The following NOTCH2NLR variants were observed in gnomAD, a reference collection of about 807,000 sequenced individuals.
NOTCH2NLR encodes notch 2 N-terminal like R.
A neutral mutation model predicts 35.6 loss-of-function variants in NOTCH2NLR; 33 were observed. The observed-to-expected ratio is 0.93, with a 90% CI of 0.70 to 1.24. The LOEUF (loss-of-function observed/expected upper bound fraction) is 1.24, where lower values mean the gene tolerates loss of function less well. NOTCH2NLR is among the 50% of genes most tolerant of loss of function. The pLI is 0.00. For synonymous variants in NOTCH2NLR, 103 were observed against 141.0 expected (o/e 0.73, Z 1.91); for missense variants, 276 against 362.2 (o/e 0.76, Z 1.93).
In NOTCH2NLR at chr1:120,779,731, C is replaced by T. The variant is rs1429045067; in HGVS notation, c.156-5243C>T. On this transcript the variant is annotated intron_variant, in intron 2 of 4. Coordinates refer to ENST00000624419, the Ensembl canonical transcript of NOTCH2NLR. ...GTTTAGCCATGTTTTCACTCTCTAACCAAATTCAACTTTAGCCATCTCAAG... is the reference window on the plus strand; with the variant it reads ...GTTTAGCCATGTTTTCACTCTCTAATCAAATTCAACTTTAGCCATCTCAAG... Among the ~76,000 whole-genome samples the T allele has an allele frequency of 3.3e-5, 4 of 121,864 alleles. 1 individual carries two copies. The highest frequency in any genetic ancestry group is 3.3e-5 in the Non-Finnish European group (2 of 60,080). 79.9% of individuals were successfully genotyped at this position (121,864 alleles called of 152,430 possible).
chr1:120,785,256 G>T (rs1651413046), intron 3 of NOTCH2NLR, 23 bp downstream of exon 3: 2 of 1,443,330 alleles, frequency 1.4e-6, no homozygotes, highest in Admixed American at 1.9e-5. Flanking sequence ...ACCAAAGCCA[G>T]TGCTTCCCTA....
chr1:120,790,109 G>A lies in NOTCH2NLR; in HGVS notation c.416-3052G>A, dbSNP rs1313010050. Among the ~76,000 whole-genome samples the A allele has an allele frequency of 4.4e-5, 4 of 89,988 alleles. 1 individual carries two copies. Among genetic ancestry groups the A allele is most frequent in the South Asian group, 3.4e-4 (1 of 2,954 alleles). 59.0% of individuals were successfully genotyped at this position (89,988 alleles called of 152,430 possible). On this transcript the variant is annotated intron_variant, in intron 3 of 4. Coordinates refer to ENST00000624419, the Ensembl canonical transcript of NOTCH2NLR. ...CGGTTCACTGCAAGTTCCACCTCCC[G>A]GGTTCACGCCATTCTTCTGCCTCAG...
At chr1:120,793,420 T>G in exon 4 of NOTCH2NLR, 2 of 1,442,708 alleles carry the variant, frequency 1.4e-6, no homozygotes, top group South Asian at 1.2e-5. Context: ...ATGTGCCCTG[T>G]GCACACTCGC....
intron 1 of NOTCH2NLR, among the ~76,000 whole-genome samples, chr1:120,737,633 T>C (rs1322905033): frequency 9.6e-6 from 1 of 104,484 alleles, no homozygotes; most frequent in African/African-American, 5.7e-5. Context: ...ATTTAAAATT[T>C]CAATGACAGC....
chr1:120,745,330 C>A (rs1650969767), intron 1 of NOTCH2NLR, among the ~76,000 whole-genome samples: 1 of 75,328 alleles, frequency 1.3e-5, no homozygotes, highest in Non-Finnish European at 2.3e-5. Flanking sequence ...TATGGACAAG[C>A]ATTGTTTCTT....
At chr1:120,743,884 A>G (rs1371325894) in intron 1 of NOTCH2NLR, among the ~76,000 whole-genome samples, 1 of 116,998 alleles carries the variant, frequency 8.5e-6, no homozygotes, top group Non-Finnish European at 1.7e-5. Context: ...TGGTTGTTTC[A>G]GAGAGTTTGC....
At chr1:120,781,946 A>C (rs1482915965) in intron 2 of NOTCH2NLR, among the ~76,000 whole-genome samples, 2 of 107,000 alleles carry the variant, frequency 1.9e-5, no homozygotes, top group Non-Finnish European at 1.7e-5. Flanking sequence ...GTAATACAAG[A>C]GACAATAGCT....
chr1:120,794,442 A>G (rs1651534789), downstream of NOTCH2NLR, among the ~76,000 whole-genome samples: 2 of 116,238 alleles, frequency 1.7e-5, 1 homozygote, highest in Non-Finnish European at 3.3e-5. Flanking sequence ...CAAAAACAAA[A>G]GAAGGAAAAC....
chr1:120,727,282 C>T (rs1650826144), intron 1 of NOTCH2NLR, among the ~76,000 whole-genome samples: 1 of 98,092 alleles, frequency 1.0e-5, no homozygotes, highest in South Asian at 3.1e-4. Context: ...TTGCAACCCA[C>T]TGATTAAGTA....
At chr1:120,764,215 C>A (rs1651164592) in intron 2 of NOTCH2NLR, among the ~76,000 whole-genome samples, 1 of 115,182 alleles carries the variant, frequency 8.7e-6, no homozygotes, top group Non-Finnish European at 1.7e-5. Flanking sequence ...TCATTGCACT[C>A]TAGCCTGGGT....
chr1:120,767,994 T>C (rs1651212006), intron 2 of NOTCH2NLR, among the ~76,000 whole-genome samples: 1 of 115,334 alleles, frequency 8.7e-6, no homozygotes. Context: ...TTCCCTTTAC[T>C]TTACACATGT....
chr1:120,742,306 TGTGTGC>T (rs1650947395), intron 1 of NOTCH2NLR, among the ~76,000 whole-genome samples: 2 of 30,810 alleles, frequency 6.5e-5, no homozygotes, highest in Admixed American at 6.1e-4. Context: ...ACTCTGTGTG[TGTGTGC>T]GTGTGTGTGT....
chr1:120,756,237 CTTTG>C lies in NOTCH2NLR; in HGVS notation c.74-7388_74-7385del, dbSNP rs1157686215. On this transcript the variant is annotated intron_variant, in intron 1 of 4. Coordinates refer to ENST00000624419, the Ensembl canonical transcript of NOTCH2NLR. ...CAGGCAGTCATTTTAGAAAACTTTG[CTTTG>C]TTCATTTTACTGAGCCTCTTCCAGA... Among the ~76,000 whole-genome samples, 2 of 113,520 alleles carry C rather than the reference CTTTG, an allele frequency of 1.8e-5. 1 individual carries two copies. The highest frequency in any genetic ancestry group is 3.4e-5 in the Non-Finnish European group (2 of 59,644). 74.5% of individuals were successfully genotyped at this position (113,520 alleles called of 152,430 possible). A position where few individuals can be genotyped will look rare whatever the true frequency, so the allele number is the denominator to read the frequency against.
chr1:120,764,266 A>G (rs1242337346), intron 2 of NOTCH2NLR, among the ~76,000 whole-genome samples: 1 of 103,474 alleles, frequency 9.7e-6, no homozygotes, highest in Non-Finnish European at 1.8e-5. Context: ...TAAAAAAAAT[A>G]TATAAAAAAA....
Position 120,747,720 on chromosome 1 carries a change from C to T in NOTCH2NLR, c.74-15908C>T, listed in dbSNP as rs1158428564. 6.6e-5 allele frequency among the ~76,000 whole-genome samples: 2 copies of T among 30,264 alleles called. 1 individual carries two copies. The highest frequency in any genetic ancestry group is 8.0e-4 in the African/African-American group (2 of 2,502). 19.9% of individuals were successfully genotyped at this position (30,264 alleles called of 152,430 possible). On this transcript the variant is annotated intron_variant, in intron 1 of 4. Transcript: ENST00000624419. ...AGTGGATGGTCTTACACCTCCCCTG[C>T]TTCTGGGATACGCACACCTAATTTT...
chr1:120,794,229 AGAG>A (rs1424823296), downstream of NOTCH2NLR, among the ~76,000 whole-genome samples: 1 of 115,028 alleles, frequency 8.7e-6, no homozygotes, highest in East Asian at 2.1e-4. Context: ...AGAAATAAAA[AGAG>A]GAGCAGTGTC....
intron 1 of NOTCH2NLR, 37 bp from the exon 2 acceptor site, chr1:120,763,591 T>G: frequency 1.1e-6 from 1 of 899,892 alleles, no homozygotes; most frequent in East Asian, 2.6e-5. Context: ...TTATGATTAG[T>G]GACTTACTTC....
chr1:120,793,372 C>T lies in NOTCH2NLR; in HGVS notation c.627C>T (p.Cys209=). Residue 209 remains cysteine, a synonymous_variant, in exon 4 of 5, where the codon TGC becomes TGT. Coordinates refer to ENST00000624419, the Ensembl canonical transcript of NOTCH2NLR. ...TGCCTGGTTCCTACCAGTGCCAGTGCCTTCAGGGCTTCACAGGCCAGTACT... is the reference window on the plus strand; with the variant it reads ...TGCCTGGTTCCTACCAGTGCCAGTGTCTTCAGGGCTTCACAGGCCAGTACT... The T allele has an allele frequency of 1.6e-5, 23 of 1,431,758 alleles. 6 individuals are homozygous for T. Among genetic ancestry groups the T allele is most frequent in the East Asian group, 4.7e-5 (2 of 42,652 alleles). 88.7% of individuals were successfully genotyped at this position (1,431,758 alleles called of 1,614,324 possible). A position where few individuals can be genotyped will look rare whatever the true frequency, so the allele number is the denominator to read the frequency against.
In NOTCH2NLR at chr1:120,793,513, T is replaced by C. The variant is rs1340702386; in HGVS notation, c.751+17T>C. 1.7e-6 allele frequency: 2 copies of C among 1,181,968 alleles called. 1 individual carries two copies. The highest frequency in any genetic ancestry group is 6.0e-5 in the African/African-American group (2 of 33,428). 73.2% of individuals were successfully genotyped at this position (1,181,968 alleles called of 1,614,324 possible). A position where few individuals can be genotyped will look rare whatever the true frequency, so the allele number is the denominator to read the frequency against. ...GCCTTCCAGGTAAGGAGCTCCCTAGTGTCCCAGGATTAGGGGACAAACCCC... is the reference window on the plus strand; with the variant it reads ...GCCTTCCAGGTAAGGAGCTCCCTAGCGTCCCAGGATTAGGGGACAAACCCC... On this transcript the variant is annotated intron_variant, in intron 4 of 4. Coordinates refer to ENST00000624419, the Ensembl canonical transcript of NOTCH2NLR.
Sources: gnomAD v4.1 joint callset for allele counts (sites outside exome capture counted in the v4.1 genomes callset) on GRCh38, gnomAD v4.1.1 for gene constraint, MANE v1.5 for transcripts, NCBI Gene and HGNC (gene_info 2026-07-23, HGNC 2026-07-21) for gene names.